FBXO17: variants seen among roughly 807,000 people sequenced by gnomAD.
FBXO17 encodes F-box only protein 17.
A neutral mutation model predicts 34.1 loss-of-function variants in FBXO17; 43 were observed. That is an observed-to-expected ratio of 1.26 (90% confidence interval 0.99 to 1.62). FBXO17 has a LOEUF of 1.62. Ranked by LOEUF, FBXO17 falls within the 40% of genes most tolerant of loss-of-function variation. The probability of loss-of-function intolerance (pLI) is 0.00; values close to 1 mark genes in which losing one functional copy is unlikely to be tolerated. For synonymous variants in FBXO17, 169 were observed against 166.0 expected (o/e 1.02, Z -0.14); for missense variants, 424 against 386.7 (o/e 1.10, Z -0.81).
intron 1 of FBXO17, among the ~76,000 whole-genome samples, chr19:38,958,964 G>A (rs775097005): frequency 5.9e-5 from 9 of 152,094 alleles, no homozygotes; most frequent in East Asian, 5.8e-4. Flanking sequence ...GTGTAGTGGC[G>A]TGATTATGGC....
At chr19:38,973,848 G>A (rs1975422221) in intron 1 of FBXO17, among the ~76,000 whole-genome samples, 1 of 150,930 alleles carries the variant, frequency 6.6e-6, no homozygotes, top group Non-Finnish European at 1.5e-5. Context: ...TTTGGTGGGG[G>A]GGCGTGCACC....
In FBXO17 at chr19:38,975,415, G is replaced by C. The variant is rs1440804684; in HGVS notation, c.-18+171C>G. On this transcript the variant is annotated intron_variant, in intron 1 of 5. Transcript: ENST00000292852. The surrounding 1 kb of genome is among the most constrained non-coding windows in gnomAD (Gnocchi z 4.9). ...TAACTTTGGGTTTAAAGGAGCCTCA[G>C]GCCGAGGGAGGGCCCGGGAAAGCGA... Among the ~76,000 whole-genome samples, 1 of 152,220 alleles carries C rather than the reference G, an allele frequency of 6.6e-6. No individual in the cohort carries two copies. The highest frequency in any genetic ancestry group is 1.5e-5 in the Non-Finnish European group (1 of 68,036).
chr19:38,972,033 C>T (rs868237436), intron 1 of FBXO17, among the ~76,000 whole-genome samples: 1 of 152,116 alleles, frequency 6.6e-6, no homozygotes, highest in African/African-American at 2.4e-5. Flanking sequence ...ATGACAGCAA[C>T]GTGCCCAAGG....
At position 38,950,279 on chromosome 19, in the gene FBXO17, G is replaced by C; in HGVS notation, c.41C>G (p.Pro14Arg). 3.4e-6 allele frequency: 5 copies of C among 1,451,348 alleles called. No homozygotes were observed. The highest frequency in any genetic ancestry group is 4.5e-6 in the Non-Finnish European group (5 of 1,111,442). The allele number at this position is 1,451,348 out of a possible 1,614,324, so 89.9% of individuals were successfully genotyped here. The change falls in exon 2 of 6, where the codon CCA becomes CGA. Residue 14 changes from proline (P) to arginine (R), a missense_variant. Pro to Arg is a moderately radical substitution (Grantham distance 103). Transcript: ENST00000292852. ...RLSRRRLPADPSLALDALPPE... is the reference protein window; with the variant it reads ...RLSRRRLPADRSLALDALPPE... The stretch of plus-strand genomic sequence containing the variant: ...GGGCAGCGCGTCCAGGGCCAGGGAT[G>C]GGTCCGCCGGCAGCCGTCGCCGCGA...
chr19:38,946,319 G>A (rs1974982340), intron 4 of FBXO17, 153 bp downstream of exon 4: 9 of 1,289,430 alleles, frequency 7.0e-6, no homozygotes, highest in Non-Finnish European at 9.5e-6. Flanking sequence ...TACCTTCCCC[G>A]GCTCTGCATC....
At position 38,942,771 on chromosome 19, in the gene FBXO17, G is replaced by C. The variant is rs1413760128; in HGVS notation, c.694-20C>G. The C allele has an allele frequency of 6.3e-6, 10 of 1,594,472 alleles. No individual in the cohort carries two copies. The South Asian group carries it at 9.1e-5, about 14-fold the overall frequency. ...GGAGACCTGCAGGGGGAAGGGGAGT[G>C]AGAGGGTGAGGGCCTGCGGGCCCCT... On this transcript the variant is annotated intron_variant, in intron 5 of 5. Coordinates refer to ENST00000292852, the MANE Select transcript of FBXO17 (RefSeq NM_024907.7).
Position 38,966,346 on chromosome 19 carries a change from C to T in FBXO17, c.-18+9240G>A, listed in dbSNP as rs536895360. 5.3e-4 allele frequency among the ~76,000 whole-genome samples: 79 copies of T among 148,364 alleles called. 1 individual carries two copies. In the South Asian group the frequency reaches 0.017, roughly 32 times the overall value. On this transcript the variant is annotated intron_variant, in intron 1 of 5. Transcript: ENST00000292852. ...GGAGATGGGGTCTCACTATGTTGCC[C>T]AGGTTGGTCTCAAACTCCTGGCCTC...
intron 1 of FBXO17, among the ~76,000 whole-genome samples, chr19:38,955,297 T>G (rs193030067): frequency 1.1e-4 from 17 of 151,884 alleles, no homozygotes; most frequent in African/African-American, 3.9e-4. Context: ...GGTGTGATCA[T>G]GGCTCACTGC....
chr19:38,956,093 C>T (rs1043888525), intron 1 of FBXO17, among the ~76,000 whole-genome samples: 2 of 151,472 alleles, frequency 1.3e-5, no homozygotes, highest in East Asian at 3.9e-4. Flanking sequence ...TGGCGAAACC[C>T]CATCTCTACA....
chr19:38,953,222 G>A (rs1186111994), intron 1 of FBXO17, among the ~76,000 whole-genome samples: 2 of 152,052 alleles, frequency 1.3e-5, no homozygotes, highest in Non-Finnish European at 2.9e-5. Context: ...TGGGATGATC[G>A]CTGGAGCCCG....
intron 1 of FBXO17, among the ~76,000 whole-genome samples, chr19:38,972,548 G>GAAAAA (rs71167607): frequency 7.2e-6 from 1 of 138,076 alleles, no homozygotes; most frequent in Non-Finnish European, 1.6e-5. Flanking sequence ...CCATCTCAAA[G>GAAAAA]AAAAAAAAAA....
At chr19:38,948,760 TC>T in intron 2 of FBXO17, 82 bp from the exon 3 acceptor site, 1 of 1,131,196 alleles carries the variant, frequency 8.8e-7, no homozygotes, top group Non-Finnish European at 1.3e-6. Context: ...GCTTGTGCTG[TC>T]CACCAGCCTC....
chr19:38,950,602 G>GTA (rs1167431583), intron 1 of FBXO17, among the ~76,000 whole-genome samples: 10 of 152,210 alleles, frequency 6.6e-5, no homozygotes, highest in African/African-American at 2.4e-4. Flanking sequence ...AGCGCTTCAG[G>GTA]TATATGACCA....
At chr19:38,957,553 C>T (rs1463706308) in intron 1 of FBXO17, among the ~76,000 whole-genome samples, 1 of 152,132 alleles carries the variant, frequency 6.6e-6, no homozygotes, top group Non-Finnish European at 1.5e-5. Context: ...ACCATGTTGG[C>T]CAGGCTGGTC....
In FBXO17 at chr19:38,969,786, C is replaced by G. The variant is rs149698060; in HGVS notation, c.-18+5800G>C. On this transcript the variant is annotated intron_variant, in intron 1 of 5. Coordinates refer to ENST00000292852, the MANE Select transcript of FBXO17 (RefSeq NM_024907.7). ...CTAATTTTTGTATTTTTAGTAGAGA[C>G]AGGGTTTCACCACGTTGGCCAGGCT... is the stretch of plus-strand genomic sequence containing the variant. 3.7e-3 allele frequency among the ~76,000 whole-genome samples: 561 copies of G among 152,036 alleles called. 4 individuals carry two copies. The highest frequency in any genetic ancestry group is 0.013 in the African/African-American group (527 of 41,482).
chr19:38,965,334 CTT>C (rs11376869), intron 1 of FBXO17, among the ~76,000 whole-genome samples: 2 of 143,366 alleles, frequency 1.4e-5, no homozygotes, highest in Non-Finnish European at 1.5e-5. Flanking sequence ...TTTTTCTTTT[CTT>C]TTTTTTTTTT....
Position 38,950,220 on chromosome 19 carries a change from G to A in FBXO17, c.100C>T (p.Pro34Ser), listed in dbSNP as rs766534775. Residue 34 changes from proline (P) to serine (S), a missense_variant, in exon 2 of 6, where the codon CCG becomes TCG. By Grantham distance (74) the Pro-to-Ser change is moderately conservative (BLOSUM62 -1). Transcript: ENST00000292852. ...ELLVQVLSHV[P>S]PRSLVTRCRP... is the part of the protein sequence containing the mutation. Reference sequence around the variant, plus strand: ...CATCGCGTGACCAAGGAGCGTGGCGGCACGTGGCTCAGCACCTGCACCAGC... The same window carrying A: ...CATCGCGTGACCAAGGAGCGTGGCGACACGTGGCTCAGCACCTGCACCAGC... 3.9e-6 allele frequency: 6 copies of A among 1,545,020 alleles called. No individual in the cohort carries two copies. In the East Asian group the frequency reaches 9.8e-5, roughly 25 times the overall value.
chr19:38,959,047 C>T (rs1312408842), intron 1 of FBXO17, among the ~76,000 whole-genome samples: 2 of 152,040 alleles, frequency 1.3e-5, no homozygotes, highest in African/African-American at 4.8e-5. Flanking sequence ...GGACTGCAGA[C>T]ACATGCCACC....
At chr19:38,966,293 T>TTGTG (rs10569438) in intron 1 of FBXO17, among the ~76,000 whole-genome samples, 82 of 143,048 alleles carry the variant, frequency 5.7e-4, no homozygotes, top group South Asian at 1.4e-3. Flanking sequence ...ATTAAAAATT[T>TTGTG]TGTGTGTGTG....
Sources: gnomAD v4.1 joint callset for allele counts (sites outside exome capture counted in the v4.1 genomes callset) on GRCh38, gnomAD v4.1.1 for gene constraint, Gnocchi (gnomAD v3.1) non-coding constraint, MANE v1.5 for transcripts, NCBI Gene and HGNC (gene_info 2026-07-23, HGNC 2026-07-21) for gene names.